Variants in RNF157 observed in about 807,000 individuals in gnomAD.
RNF157 encodes the protein E3 ubiquitin ligase RNF157.
In RNF157, 55 loss-of-function variants were observed where a neutral mutation model predicts 88.3. That is an observed-to-expected ratio of 0.62 (90% CI 0.50 to 0.78). The LOEUF is 0.78. Among genes scored for constraint, RNF157 ranks in the 30% least tolerant of loss-of-function variants. The probability of loss-of-function intolerance (pLI) is 0.00; values close to 1 mark genes in which losing one functional copy is unlikely to be tolerated. For missense variants in RNF157, 788 were observed against 860.8 expected (o/e 0.92, Z 1.06); for synonymous variants, 334 against 341.2 (o/e 0.98, Z 0.23).
At chr17:76,219,580 C>T (rs138521829) in intron 1 of RNF157, among the ~76,000 whole-genome samples, 73 of 152,176 alleles carry the variant, frequency 4.8e-4, no homozygotes, top group Admixed American at 2.0e-3. Context: ...TCTTTGAATA[C>T]GCATTGCTTT....
chr17:76,155,153 G>T (rs1454381650), intron 16 of RNF157, 99 bp downstream of exon 16: 9 of 1,029,058 alleles, frequency 8.7e-6, no homozygotes, highest in Non-Finnish European at 1.4e-5. Flanking sequence ...GGCTTCGTCA[G>T]CGCAGCCTCC....
intron 8 of RNF157, chr17:76,164,522 A>G (rs1381195721): frequency 8.2e-6 from 3 of 366,504 alleles, no homozygotes; most frequent in African/African-American, 2.1e-5. Flanking sequence ...GAAGACCTCA[A>G]AAATCAGCAT....
chr17:76,226,877 G>T, intron 1 of RNF157: 1 of 1,244,880 alleles, frequency 8.0e-7, no homozygotes, highest in Non-Finnish European at 1.1e-6. Flanking sequence ...CAGCAATGCT[G>T]CTGCTGAATG....
chr17:76,175,697 G>C, intron 2 of RNF157: 1 of 938,834 alleles, frequency 1.1e-6, no homozygotes, highest in African/African-American at 1.8e-5. Context: ...GAGTAGCAAA[G>C]TTAATCATTT....
In RNF157 at chr17:76,176,922, C is replaced by G. The variant is rs945799626; in HGVS notation, c.208-3132G>C. Among the ~76,000 whole-genome samples the G allele has an allele frequency of 1.3e-5, 2 of 152,174 alleles. No individual in the cohort carries two copies. The highest frequency in any genetic ancestry group is 4.8e-5 in the African/African-American group (2 of 41,458). On this transcript the variant is annotated intron_variant, in intron 2 of 18. Coordinates refer to ENST00000269391, the MANE Select transcript of RNF157 (RefSeq NM_052916.3). The surrounding 1 kb of genome is among the most constrained non-coding windows in gnomAD (Gnocchi z 4.2). The stretch of plus-strand genomic sequence containing the variant: ...CCCACCCTGCCGAGGGTGCCAGGTT[C>G]CTGTGCCTCGGGAGGAGGTTCTGCG...
intron 18 of RNF157, among the ~76,000 whole-genome samples, chr17:76,149,692 G>T (rs566608344): frequency 3.9e-4 from 59 of 152,222 alleles, no homozygotes; most frequent in Non-Finnish European, 5.6e-4. Context: ...GCAACCAGAG[G>T]TTTTGAGACA....
chr17:76,165,673 A>G, intron 6 of RNF157, 128 bp from the exon 7 acceptor site: 1 of 934,724 alleles, frequency 1.1e-6, no homozygotes. Context: ...GGCACGTTAT[A>G]TAACCCATAC....
rs938991923 is a variant in RNF157 at position 76,154,273 on chromosome 17, C to A, written c.1810+10G>T. 2 of 1,598,478 alleles carry A rather than the reference C, an allele frequency of 1.3e-6. No homozygotes were observed. Among genetic ancestry groups the A allele is most frequent in the African/African-American group, 1.3e-5 (1 of 74,646 alleles). ...AACTAAAGGAAGTAAAGGACCAGAT[C>A]TTTTACCACCTTCCTGCGTGGGTGA... On this transcript the variant is annotated intron_variant, in intron 17 of 18. Coordinates refer to ENST00000269391, the MANE Select transcript of RNF157 (RefSeq NM_052916.3).
intron 2 of RNF157, chr17:76,211,812 A>T (rs2069805767): frequency 6.6e-6 from 1 of 152,340 alleles, no homozygotes; most frequent in Non-Finnish European, 1.5e-5. Context: ...GCGCAATAGA[A>T]ATTTATGAGA....
chr17:76,164,640 G>T, intron 8 of RNF157, 108 bp downstream of exon 8: 5 of 602,886 alleles, frequency 8.3e-6, no homozygotes, highest in Admixed American at 3.6e-5. Flanking sequence ...AAAGGAGAGA[G>T]CAAAAAGTAA....
At chr17:76,226,361 G>C in intron 1 of RNF157, 1 of 1,598,388 alleles carries the variant, frequency 6.3e-7, no homozygotes, top group Non-Finnish European at 8.6e-7. Context: ...GTCGGGTTTT[G>C]TTAAACTTTC....
intron 1 of RNF157, among the ~76,000 whole-genome samples, chr17:76,214,562 T>C (rs2145032881): frequency 6.6e-6 from 1 of 152,292 alleles, no homozygotes; most frequent in African/African-American, 2.4e-5. Context: ...CAGTTATCCC[T>C]GGCTTTCTCT....
rs796920901 is a variant in RNF157 at position 76,164,889 on chromosome 17, CT to C, written c.673-95del. 7.5e-6 allele frequency: 6 copies of C among 801,094 alleles called. No individual in the cohort carries two copies. The African/African-American group carries it at 1.0e-4, about 14-fold the overall frequency. 49.6% of individuals were successfully genotyped at this position (801,094 alleles called of 1,614,324 possible). On this transcript the variant is annotated intron_variant, in intron 7 of 18. Coordinates refer to ENST00000269391, the MANE Select transcript of RNF157 (RefSeq NM_052916.3). ...CATCTCCCAGTTACAGTCGCCCTCCCTGATCTGCAGTTTCATTTTCCATGGT... is the reference window on the plus strand; with the variant it reads ...CATCTCCCAGTTACAGTCGCCCTCCCGATCTGCAGTTTCATTTTCCATGGT...
intron 1 of RNF157, among the ~76,000 whole-genome samples, 176 bp from the exon 2 acceptor site, chr17:76,212,658 T>G (rs2069822561): frequency 6.6e-6 from 1 of 152,128 alleles, no homozygotes; most frequent in Non-Finnish European, 1.5e-5. Context: ...GATAAGGAGT[T>G]CGAGACCAGC....
intron 16 of RNF157, 62 bp from the exon 17 acceptor site, chr17:76,154,390 G>T: frequency 1.8e-6 from 2 of 1,090,180 alleles, no homozygotes; most frequent in Admixed American, 1.7e-5. Context: ...CTGATTGGCT[G>T]AAGACAGAAC....
At chr17:76,235,133 T>C (rs1272921623) in intron 1 of RNF157, among the ~76,000 whole-genome samples, 1 of 152,198 alleles carries the variant, frequency 6.6e-6, no homozygotes, top group Admixed American at 6.5e-5. Context: ...TTTTTCAAAA[T>C]TGTTTTGGAT....
chr17:76,154,129 T>G (rs1358420057), intron 17 of RNF157, 154 bp downstream of exon 17: 1 of 678,190 alleles, frequency 1.5e-6, no homozygotes, highest in Non-Finnish European at 2.7e-6. Context: ...TCTGCTTGCT[T>G]TGATGTACCA....
At chr17:76,155,188 C>T in intron 16 of RNF157, 64 bp downstream of exon 16, 1 of 1,468,404 alleles carries the variant, frequency 6.8e-7, no homozygotes, top group Non-Finnish European at 9.5e-7. Flanking sequence ...ACTGGCATCC[C>T]CAGCCAAGGC....
intron 3 of RNF157, among the ~76,000 whole-genome samples, chr17:76,171,980 G>A (rs187411138): frequency 8.5e-5 from 13 of 152,344 alleles, no homozygotes; most frequent in Admixed American, 8.5e-4. Flanking sequence ...GGACAGAGTA[G>A]CTGGCAATGG....
Sources: allele counts gnomAD v4.1 joint callset (sites outside exome capture counted in the v4.1 genomes callset), GRCh38; gene constraint gnomAD v4.1.1; non-coding constraint Gnocchi (gnomAD v3.1); transcripts MANE v1.5; gene names NCBI Gene and HGNC (gene_info 2026-07-23, HGNC 2026-07-21).